Variants in DDX10 observed in about 807,000 individuals in gnomAD.
DDX10 encodes the protein probable ATP-dependent RNA helicase DDX10.
A neutral mutation model predicts 104.3 loss-of-function variants in DDX10; 74 were observed. That is an observed-to-expected ratio of 0.71 (90% CI 0.59 to 0.86). DDX10 has a LOEUF of 0.86. DDX10 is among the 40% of genes least tolerant of loss of function. The pLI is 0.00. For synonymous variants in DDX10, 351 were observed against 353.4 expected (o/e 0.99, Z 0.08); for missense variants, 952 against 1,040.0 (o/e 0.92, Z 1.16).
At chr11:108,811,684 G>A (rs867113312) in intron 13 of DDX10, among the ~76,000 whole-genome samples, 1 of 152,158 alleles carries the variant, frequency 6.6e-6, no homozygotes, top group Middle Eastern at 3.4e-3. Flanking sequence ...CAACATGCTT[G>A]CCTTTTCACG....
At chr11:108,773,386 G>A (rs550263096) in intron 13 of DDX10, among the ~76,000 whole-genome samples, 53 of 152,308 alleles carry the variant, frequency 3.5e-4, no homozygotes, top group African/African-American at 1.2e-3. Flanking sequence ...TTGATGTCTT[G>A]TCTTTTGGTG....
intron 13 of DDX10, 58 bp from the exon 14 acceptor site, chr11:108,838,388 G>T (rs1862585801): frequency 2.6e-6 from 4 of 1,562,604 alleles, no homozygotes; most frequent in Non-Finnish European, 2.6e-6. Flanking sequence ...GAGTTGGATT[G>T]TTAATATAAA....
intron 17 of DDX10, among the ~76,000 whole-genome samples, chr11:108,930,003 CATT>C (rs1185541526): frequency 6.6e-6 from 1 of 152,138 alleles, no homozygotes; most frequent in Non-Finnish European, 1.5e-5. Flanking sequence ...AATATTGATA[CATT>C]ATTATTAACT....
At chr11:108,866,706 G>A (rs1476090473) in intron 16 of DDX10, among the ~76,000 whole-genome samples, 1 of 152,114 alleles carries the variant, frequency 6.6e-6, no homozygotes, top group African/African-American at 2.4e-5. Context: ...CATATACTGT[G>A]CTAAGGCATG....
At chr11:108,912,702 T>C (rs1372605794) in intron 16 of DDX10, among the ~76,000 whole-genome samples, 4 of 152,162 alleles carry the variant, frequency 2.6e-5, no homozygotes, top group Non-Finnish European at 1.5e-5. Context: ...CCTCACAATT[T>C]GCCCACAAGG....
chr11:108,857,343 G>A (rs1862883904), intron 16 of DDX10, among the ~76,000 whole-genome samples: 1 of 152,104 alleles, frequency 6.6e-6, no homozygotes, highest in African/African-American at 2.4e-5. Context: ...GGTGGCTGGG[G>A]ACAAGCCATT....
chr11:108,866,911 C>A (rs559900503), intron 16 of DDX10, among the ~76,000 whole-genome samples: 9 of 152,114 alleles, frequency 5.9e-5, no homozygotes, highest in Non-Finnish European at 1.2e-4. Context: ...CCACTTATGA[C>A]TGGTATAAAG....
intron 13 of DDX10, chr11:108,822,346 G>A: frequency 5.5e-6 from 2 of 364,264 alleles, no homozygotes; most frequent in South Asian, 2.4e-5. Flanking sequence ...CTGATGAGTA[G>A]CGTTTTTGAG....
In DDX10 at chr11:108,924,606, T is replaced by C. The variant is rs545485922; in HGVS notation, c.2450+6588T>C. Among the ~76,000 whole-genome samples, 8 of 152,240 alleles carry C rather than the reference T, an allele frequency of 5.3e-5. No homozygotes were observed. In the South Asian group the frequency reaches 1.7e-3, roughly 31 times the overall value. On this transcript the variant is annotated intron_variant, in intron 17 of 17. Transcript: ENST00000322536. Reference sequence around the variant, plus strand: ...CATATTCATTTTTCTATCTTTTGAGTGAACTTGCCTGTCTTTAAAAATGAT... The same window carrying C: ...CATATTCATTTTTCTATCTTTTGAGCGAACTTGCCTGTCTTTAAAAATGAT...
intron 13 of DDX10, among the ~76,000 whole-genome samples, chr11:108,736,154 CT>C (rs58772238): frequency 0.54 from 73,808 of 136,958 alleles, 20,242 homozygotes; most frequent in Non-Finnish European, 0.63. Context: ...TTCCCTAGTT[CT>C]TTTTTTTTTT....
chr11:108,731,915 A>G (rs1195707264), intron 13 of DDX10, among the ~76,000 whole-genome samples: 1 of 152,210 alleles, frequency 6.6e-6, no homozygotes, highest in Non-Finnish European at 1.5e-5. Flanking sequence ...TTTTCCAGAC[A>G]CTGCTGACTT....
chr11:108,776,714 A>G (rs1036389836), intron 13 of DDX10, among the ~76,000 whole-genome samples: 2 of 152,196 alleles, frequency 1.3e-5, no homozygotes, highest in African/African-American at 4.8e-5. Context: ...GTGGCAGAAG[A>G]GGAGCTCAAA....
intron 12 of DDX10, among the ~76,000 whole-genome samples, chr11:108,721,127 A>G (rs1411277643): frequency 1.3e-5 from 2 of 152,154 alleles, no homozygotes; most frequent in Non-Finnish European, 2.9e-5. Context: ...CTTTACCTTT[A>G]AACTGAGTCT....
At chr11:108,715,156 T>C (rs2094289797) in intron 10 of DDX10, among the ~76,000 whole-genome samples, 2 of 151,944 alleles carry the variant, frequency 1.3e-5, no homozygotes, top group South Asian at 2.1e-4. Context: ...ACTACAATCT[T>C]TGGCTACTTG....
intron 13 of DDX10, among the ~76,000 whole-genome samples, chr11:108,771,616 T>A (rs1414997581): frequency 6.6e-6 from 1 of 152,162 alleles, no homozygotes; most frequent in African/African-American, 2.4e-5. Context: ...GTGCAGAAGC[T>A]TTTTAACTTG....
chr11:108,766,870 G>T (rs2094356992), intron 13 of DDX10, among the ~76,000 whole-genome samples: 1 of 152,194 alleles, frequency 6.6e-6, no homozygotes, highest in Non-Finnish European at 1.5e-5. Flanking sequence ...GGCTAGACTG[G>T]TGTGCAGCCA....
intron 17 of DDX10, among the ~76,000 whole-genome samples, chr11:108,922,842 A>G (rs1447644642): frequency 6.6e-6 from 1 of 152,184 alleles, no homozygotes; most frequent in Non-Finnish European, 1.5e-5. Flanking sequence ...CCCCATGAAT[A>G]GTTTATTTAT....
chr11:108,816,953 G>A (rs146590656), intron 13 of DDX10, among the ~76,000 whole-genome samples: 78 of 152,296 alleles, frequency 5.1e-4, no homozygotes, highest in African/African-American at 1.8e-3. Flanking sequence ...ACAAGATTAT[G>A]TCATGTATCT....
At chr11:108,839,970 A>G (rs914608417) in intron 14 of DDX10, among the ~76,000 whole-genome samples, 14 of 152,234 alleles carry the variant, frequency 9.2e-5, no homozygotes, top group African/African-American at 3.4e-4. Flanking sequence ...AAAATGTTTC[A>G]ATGTGTACTT....
Sources: allele counts gnomAD v4.1 joint callset (sites outside exome capture counted in the v4.1 genomes callset), GRCh38; gene constraint gnomAD v4.1.1; transcripts MANE v1.5; gene names NCBI Gene and HGNC (gene_info 2026-07-23, HGNC 2026-07-21).